The following ESRRG variants were observed in gnomAD, a reference collection of about 807,000 sequenced individuals.
The protein encoded by ESRRG is estrogen related receptor gamma.
A neutral mutation model predicts 44.0 loss-of-function variants in ESRRG; 13 were observed. That is an observed-to-expected ratio of 0.30 (90% CI 0.19 to 0.47). The LOEUF (loss-of-function observed/expected upper bound fraction) is 0.47, where lower values mean the gene tolerates loss of function less well. Ranked by LOEUF, ESRRG falls within the 20% of genes least tolerant of loss-of-function variation. ESRRG has a pLI of 1.00. For missense variants in ESRRG, 395 were observed against 580.6 expected (o/e 0.68, Z 3.29); for synonymous variants, 215 against 214.6 (o/e 1.00, Z -0.02).
chr1:216,987,112 TTTG>T (rs1229387901), intron 1 of ESRRG, among the ~76,000 whole-genome samples: 1 of 152,168 alleles, frequency 6.6e-6, no homozygotes, highest in Non-Finnish European at 1.5e-5. Context: ...TCATTAGAAT[TTTG>T]TTATTTTTCT....
chr1:216,952,602 G>T (rs1424337280), intron 1 of ESRRG, among the ~76,000 whole-genome samples: 1 of 152,078 alleles, frequency 6.6e-6, no homozygotes, highest in Admixed American at 6.6e-5. Context: ...GGCAAAAATA[G>T]CTGCTGGAAT....
At chr1:216,957,410 G>C (rs754566817) in intron 1 of ESRRG, among the ~76,000 whole-genome samples, 9 of 152,010 alleles carry the variant, frequency 5.9e-5, no homozygotes, top group Non-Finnish European at 8.8e-5. Context: ...ATGCATATTT[G>C]TCTAATATGC....
chr1:216,750,251 T>C (rs2091878151), intron 2 of ESRRG, among the ~76,000 whole-genome samples: 1 of 152,156 alleles, frequency 6.6e-6, no homozygotes, highest in Admixed American at 6.6e-5. Flanking sequence ...AGACATCGCC[T>C]CGGAGAGAAC....
At chr1:216,680,482 C>A (rs1003354773) in intron 1 of ESRRG, among the ~76,000 whole-genome samples, 4 of 152,150 alleles carry the variant, frequency 2.6e-5, no homozygotes, top group Non-Finnish European at 5.9e-5. Context: ...AGAGGTGGCA[C>A]GCAGAGATCT....
chr1:216,957,984 A>T (rs943886084), intron 1 of ESRRG, among the ~76,000 whole-genome samples: 2 of 151,782 alleles, frequency 1.3e-5, no homozygotes, highest in Non-Finnish European at 2.9e-5. Flanking sequence ...CCTGCTATGA[A>T]AGTTTAGTTT....
At position 217,061,256 on chromosome 1, in the gene ESRRG, C is replaced by T. The variant is rs1468787763; in HGVS notation, c.-106+28251G>A. Among the ~76,000 whole-genome samples, 3 of 152,020 alleles carry T rather than the reference C, an allele frequency of 2.0e-5. No homozygotes were observed. In the East Asian group the frequency reaches 5.8e-4, roughly 29 times the overall value. ...AGAGCATGATTCAACCCCCTATTACCGAAGCATTACCTTCCCAATTCCTTT... is the reference window on the plus strand; with the variant it reads ...AGAGCATGATTCAACCCCCTATTACTGAAGCATTACCTTCCCAATTCCTTT... On this transcript the variant is annotated intron_variant, in intron 1 of 7. Coordinates refer to the ESRRG transcript ENST00000359162.
chr1:216,885,065 T>C (rs1349244848), intron 2 of ESRRG, among the ~76,000 whole-genome samples: 1 of 152,144 alleles, frequency 6.6e-6, no homozygotes, highest in Non-Finnish European at 1.5e-5. Flanking sequence ...CTACACCACA[T>C]AGTCCAACTA....
rs1047266242 is a variant in ESRRG, at chr1:216,504,659, G to T, written c.*2280C>A. 6.6e-6 allele frequency: 1 copy of T among 152,608 alleles called. No homozygotes were observed. Among genetic ancestry groups the T allele is most frequent in the Non-Finnish European group, 1.5e-5 (1 of 68,022 alleles). The allele number at this position is 152,608 out of a possible 1,614,324, so 9.5% of individuals were successfully genotyped here. On this transcript the variant is annotated 3_prime_UTR_variant, in exon 7 of 7. Coordinates refer to ENST00000408911, the MANE Select transcript of ESRRG (RefSeq NM_001438.4). ...ACAGAGCGAGTTAATAACAACATCT[G>T]AGAGATGATTGAGTGAAAGCCATAT...
At chr1:216,833,538 T>C (rs963987169) in intron 2 of ESRRG, among the ~76,000 whole-genome samples, 1 of 152,216 alleles carries the variant, frequency 6.6e-6, no homozygotes, top group Admixed American at 6.5e-5. Flanking sequence ...ATTCATCGTT[T>C]CTGTGACAAA....
intron 2 of ESRRG, among the ~76,000 whole-genome samples, chr1:216,654,698 A>T (rs2069987752): frequency 6.6e-6 from 1 of 152,128 alleles, no homozygotes; most frequent in Admixed American, 6.5e-5. Flanking sequence ...AAAATGGAAA[A>T]AAAGTGTGGC....
chr1:216,975,458 G>A (rs987879047), intron 1 of ESRRG, among the ~76,000 whole-genome samples: 2 of 152,206 alleles, frequency 1.3e-5, no homozygotes, highest in Non-Finnish European at 2.9e-5. Context: ...GGTAACAGGA[G>A]CCATAAATTC....
At chr1:216,618,302 T>C (rs957003184) in intron 3 of ESRRG, among the ~76,000 whole-genome samples, 2 of 152,246 alleles carry the variant, frequency 1.3e-5, no homozygotes, top group Non-Finnish European at 2.9e-5. Context: ...GTTGCACTGA[T>C]TCATTCACAC....
At chr1:216,849,620 A>G (rs2095810678) in intron 2 of ESRRG, among the ~76,000 whole-genome samples, 1 of 152,126 alleles carries the variant, frequency 6.6e-6, no homozygotes, top group African/African-American at 2.4e-5. Context: ...ACTTCATTTC[A>G]GCATTGGCTA....
At chr1:216,937,731 A>T (rs1252712144) in intron 2 of ESRRG, among the ~76,000 whole-genome samples, 1 of 152,144 alleles carries the variant, frequency 6.6e-6, no homozygotes, top group African/African-American at 2.4e-5. Context: ...CAGGCTGGGG[A>T]CCTGAAACCC....
intron 1 of ESRRG, among the ~76,000 whole-genome samples, chr1:216,975,986 C>T (rs1398686536): frequency 6.6e-6 from 1 of 152,084 alleles, no homozygotes; most frequent in Non-Finnish European, 1.5e-5. Context: ...ATGACAAATC[C>T]AACCACCTTC....
chr1:216,763,878 A>G (rs766359985), intron 2 of ESRRG, among the ~76,000 whole-genome samples: 1 of 152,200 alleles, frequency 6.6e-6, no homozygotes, highest in Non-Finnish European at 1.5e-5. Context: ...TATTATCTAT[A>G]ATAAATATAA....
intron 1 of ESRRG, among the ~76,000 whole-genome samples, chr1:217,082,755 C>T (rs1327499053): frequency 3.3e-5 from 5 of 151,908 alleles, no homozygotes; most frequent in South Asian, 2.1e-4. Flanking sequence ...CAGAGAATAG[C>T]TTTTTTTCTA....
At chr1:216,719,438 T>C (rs17628583) in intron 1 of ESRRG, among the ~76,000 whole-genome samples, 1,925 of 152,122 alleles carry the variant, frequency 0.013, 20 homozygotes, top group Non-Finnish European at 0.021. Context: ...ACCTCAAAGA[T>C]ATAAATTGTT....
At chr1:216,585,174 G>T (rs932761962) in intron 3 of ESRRG, among the ~76,000 whole-genome samples, 12 of 152,086 alleles carry the variant, frequency 7.9e-5, no homozygotes, top group Admixed American at 1.3e-4. Context: ...CATTTTTCAC[G>T]ATTCCTTGAT....
Sources: allele counts gnomAD v4.1 joint callset (sites outside exome capture counted in the v4.1 genomes callset), GRCh38; gene constraint gnomAD v4.1.1; transcripts MANE v1.5; gene names NCBI Gene and HGNC (gene_info 2026-07-23, HGNC 2026-07-21).